ATE1: variants seen among roughly 807,000 people sequenced by gnomAD.
ATE1 encodes arginyltransferase 1, also known as arginyl-tRNA--protein transferase 1.
A neutral mutation model predicts 70.5 loss-of-function variants in ATE1; 36 were observed. The ratio of observed to expected loss-of-function variants is 0.51; its 90% confidence interval spans 0.39 to 0.67. The LOEUF (loss-of-function observed/expected upper bound fraction) is 0.67, where lower values mean the gene tolerates loss of function less well. Ranked by LOEUF, ATE1 falls within the 30% of genes least tolerant of loss-of-function variation. The probability of loss-of-function intolerance (pLI) is 0.00; values close to 1 mark genes in which losing one functional copy is unlikely to be tolerated. For synonymous variants in ATE1, 232 were observed against 219.3 expected, an observed-to-expected ratio of 1.06 and a Z score of -0.51; for missense variants, 593 against 629.5, an observed-to-expected ratio of 0.94 and a Z score of 0.62.
chr10:121,759,543 G>T (rs1364535031), intron 11 of ATE1, among the ~76,000 whole-genome samples: 3 of 152,016 alleles, frequency 2.0e-5, no homozygotes, highest in Non-Finnish European at 4.4e-5. Flanking sequence ...CTAACACGGT[G>T]AAACCCTGTC....
chr10:121,847,582 AC>A (rs1468688825), intron 8 of ATE1, among the ~76,000 whole-genome samples: 15 of 151,746 alleles, frequency 9.9e-5, no homozygotes, highest in African/African-American at 3.6e-4. Flanking sequence ...ACACAGTGAA[AC>A]CCTGTCTGTA....
At chr10:121,772,917 T>C (rs1945582921) in intron 11 of ATE1, among the ~76,000 whole-genome samples, 1 of 152,224 alleles carries the variant, frequency 6.6e-6, no homozygotes, top group Non-Finnish European at 1.5e-5. Context: ...AATCCACTTC[T>C]ACAAAGCAAA....
chr10:121,859,263 T>A (rs976566759), intron 8 of ATE1, among the ~76,000 whole-genome samples: 23 of 146,470 alleles, frequency 1.6e-4, no homozygotes, highest in East Asian at 6.7e-4. Context: ...TTATTTTATT[T>A]TTTTTTTTTT....
At chr10:121,790,960 A>ATGTG (rs771067736) in intron 10 of ATE1, among the ~76,000 whole-genome samples, 27 of 126,504 alleles carry the variant, frequency 2.1e-4, no homozygotes, top group Non-Finnish European at 4.4e-4. Context: ...GTGTATATAT[A>ATGTG]TATGTGTGTG....
intron 8 of ATE1, among the ~76,000 whole-genome samples, chr10:121,869,438 A>G (rs1949775495): frequency 6.6e-6 from 1 of 152,182 alleles, no homozygotes. Flanking sequence ...TTTATCTCAC[A>G]ATTTTATCAC....
At position 121,763,956 on chromosome 10, in the gene ATE1, T is replaced by G. The variant is rs554283394; in HGVS notation, c.1379-20098A>C. On this transcript the variant is annotated intron_variant, in intron 11 of 11. Transcript: ENST00000224652. ...TTGAACCCAGGAGGCAGAGGTTGCA[T>G]TGAGCTGTGACTGTGCCACTGCACT... Among the ~76,000 whole-genome samples, 77 of 152,284 alleles carry G rather than the reference T, an allele frequency of 5.1e-4. No individual in the cohort carries two copies. The South Asian group carries it at 0.015, about 30-fold the overall frequency.
At chr10:121,752,418 A>G (rs556278643) in intron 11 of ATE1, among the ~76,000 whole-genome samples, 1 of 151,798 alleles carries the variant, frequency 6.6e-6, no homozygotes, top group South Asian at 2.1e-4. Context: ...TTTAGTAGAC[A>G]CAGGGTTTCA....
intron 10 of ATE1, among the ~76,000 whole-genome samples, chr10:121,817,260 G>A (rs1947580192): frequency 6.6e-6 from 1 of 152,206 alleles, no homozygotes; most frequent in African/African-American, 2.4e-5. Flanking sequence ...ATGAGTTCAG[G>A]CCGGGCACAG....
chr10:121,752,146 G>A (rs1265436879), intron 11 of ATE1, among the ~76,000 whole-genome samples: 4 of 148,730 alleles, frequency 2.7e-5, no homozygotes, highest in South Asian at 2.2e-4. Flanking sequence ...GCAGTGAGCC[G>A]AGGTTGCGCC....
intron 11 of ATE1, among the ~76,000 whole-genome samples, chr10:121,760,938 T>C (rs1945014044): frequency 6.6e-6 from 1 of 152,200 alleles, no homozygotes. Context: ...TGATGTCCAA[T>C]GTTGGAGGTG....
At chr10:121,841,006 A>T in intron 9 of ATE1, 76 bp downstream of exon 9, 1 of 1,248,738 alleles carries the variant, frequency 8.0e-7, no homozygotes, top group Non-Finnish European at 1.1e-6. Flanking sequence ...ACTGTTACAT[A>T]ATTAAATATA....
intron 8 of ATE1, among the ~76,000 whole-genome samples, chr10:121,846,996 G>A (rs950205334): frequency 5.3e-5 from 8 of 152,160 alleles, no homozygotes; most frequent in African/African-American, 1.9e-4. Flanking sequence ...TGTCTAACAT[G>A]CTATTGAACT....
intron 11 of ATE1, among the ~76,000 whole-genome samples, chr10:121,761,502 T>C (rs1377764473): frequency 6.6e-6 from 1 of 152,194 alleles, no homozygotes; most frequent in Non-Finnish European, 1.5e-5. Flanking sequence ...GTGCACTTAA[T>C]AGACTACAGC....
intron 11 of ATE1, among the ~76,000 whole-genome samples, chr10:121,781,483 G>C (rs1316152562): frequency 6.6e-6 from 1 of 152,198 alleles, no homozygotes; most frequent in Non-Finnish European, 1.5e-5. Flanking sequence ...TACACCAGGT[G>C]TCTCAAAAGG....
intron 6 of ATE1, among the ~76,000 whole-genome samples, chr10:121,901,223 C>T (rs771247722): frequency 1.3e-5 from 2 of 151,822 alleles, no homozygotes; most frequent in Non-Finnish European, 2.9e-5. Flanking sequence ...GCCGAGATCG[C>T]GCCATTGCAC....
At chr10:121,812,337 T>C (rs538563327) in intron 10 of ATE1, among the ~76,000 whole-genome samples, 2 of 152,206 alleles carry the variant, frequency 1.3e-5, no homozygotes, top group South Asian at 2.1e-4. Context: ...AGGAAAAATA[T>C]CATCTTTCCT....
chr10:121,769,584 C>T (rs1039745974), intron 11 of ATE1, among the ~76,000 whole-genome samples: 7 of 151,954 alleles, frequency 4.6e-5, no homozygotes, highest in Non-Finnish European at 7.4e-5. Flanking sequence ...ATTTGCTCTG[C>T]GAAAAACCCT....
chr10:121,911,306 A>G (rs1381328596), intron 4 of ATE1, among the ~76,000 whole-genome samples, 155 bp from the exon 5 acceptor site: 2 of 152,170 alleles, frequency 1.3e-5, no homozygotes, highest in Non-Finnish European at 2.9e-5. Flanking sequence ...GCTGCACTTA[A>G]GACTGGCACA....
At position 121,741,793 on chromosome 10, in the gene ATE1, G is replaced by A. The variant is rs867216974; in HGVS notation, c.*1887C>T. 6.6e-6 allele frequency: 1 copy of A among 152,204 alleles called. No homozygotes were observed. The highest frequency in any genetic ancestry group is 2.4e-5 in the African/African-American group (1 of 41,446). 9.4% of individuals were successfully genotyped at this position (152,204 alleles called of 1,614,324 possible). On this transcript the variant is annotated 3_prime_UTR_variant, in exon 12 of 12. Coordinates refer to ENST00000224652, the MANE Select transcript of ATE1 (RefSeq NM_001001976.3). ...TACTGTTGAGGAAATAAAACAGCATGTAGAACATAATTCTATTTATATTAA... is the reference window on the plus strand; with the variant it reads ...TACTGTTGAGGAAATAAAACAGCATATAGAACATAATTCTATTTATATTAA...
Sources: gnomAD v4.1 joint callset for allele counts (sites outside exome capture counted in the v4.1 genomes callset) on GRCh38, gnomAD v4.1.1 for gene constraint, MANE v1.5 for transcripts, NCBI Gene and HGNC (gene_info 2026-07-23, HGNC 2026-07-21) for gene names.